The following ITM2B variants were observed in gnomAD, a reference collection of about 807,000 sequenced individuals.
The protein encoded by ITM2B is integral membrane protein 2B, also known as ABri/ADan amyloid peptide.
ITM2B carries 11 observed loss-of-function variants against 27.8 expected under a neutral mutation model. The ratio of observed to expected loss-of-function variants is 0.40; its 90% CI spans 0.25 to 0.66. ITM2B has a LOEUF of 0.66. Among genes scored for constraint, ITM2B ranks in the 30% least tolerant of loss-of-function variants. ITM2B has a pLI of 0.43. For synonymous variants in ITM2B, 114 were observed against 114.3 expected (o/e 1.00, Z 0.02); for missense variants, 296 against 328.9 (o/e 0.90, Z 0.77).
chr13:48,259,038 C>A lies in ITM2B; in HGVS notation c.715+91C>A, dbSNP rs1232196144. ...AAGCCTAGTCATTGTTACCAATATA[C>A]CTGCCATGAGTGAGGTAATATTGTG... On this transcript the variant is annotated intron_variant, in intron 5 of 5. Coordinates refer to ENST00000647800, the MANE Select transcript of ITM2B (RefSeq NM_021999.5). 8.0e-6 allele frequency: 7 copies of A among 871,582 alleles called. No individual in the cohort carries two copies. In the African/African-American group the frequency reaches 8.5e-5, roughly 11 times the overall value. The allele number at this position is 871,582 out of a possible 1,614,324, so 54.0% of individuals were successfully genotyped here. A position where few individuals can be genotyped will look rare whatever the true frequency, so the allele number is the denominator to read the frequency against.
chr13:48,256,348 A>T lies in ITM2B; in HGVS notation c.418A>T (p.Ser140Cys). ...TGTGCCTGTCCCAGAGTTTGCAGAT[A>T]GTGATCCTGCCAACATTGTTCATGA... ...ISVPVPEFAD[S>C]DPANIVHDFN... is the part of the protein sequence containing the mutation. Residue 140 changes from serine (S) to cysteine (C), a missense_variant, in exon 3 of 6, where the codon AGT becomes TGT. Physicochemically the swap from Ser to Cys is moderately radical, Grantham distance 112 (BLOSUM62 -1). Coordinates refer to ENST00000647800, the MANE Select transcript of ITM2B (RefSeq NM_021999.5). 1.2e-6 allele frequency: 2 copies of T among 1,614,002 alleles called. No homozygotes were observed. Among genetic ancestry groups the T allele is most frequent in the East Asian group, 4.5e-5 (2 of 44,872 alleles).
chr13:48,250,851 A>G (rs1467270564), intron 1 of ITM2B, among the ~76,000 whole-genome samples: 2 of 152,212 alleles, frequency 1.3e-5, no homozygotes, highest in African/African-American at 4.8e-5. Context: ...TTTGAAGATT[A>G]AACAGCTCTT....
intron 4 of ITM2B, 115 bp from the exon 5 acceptor site, chr13:48,258,682 T>G (rs1951804106): frequency 1.1e-6 from 1 of 892,488 alleles, no homozygotes; most frequent in Admixed American, 1.8e-5. Flanking sequence ...AGATGGTGGG[T>G]AGTAGTTTGG....
intron 1 of ITM2B, among the ~76,000 whole-genome samples, chr13:48,245,886 C>T (rs1288900143): frequency 6.6e-6 from 1 of 151,678 alleles, no homozygotes; most frequent in African/African-American, 2.4e-5. Context: ...TCACGCCATT[C>T]TCCTGCCTCA....
Position 48,263,554 on chromosome 13 carries a change from C to A in ITM2B, c.*2330C>A, listed in dbSNP as rs1019122485. 1 of 152,192 alleles carries A rather than the reference C, an allele frequency of 6.6e-6. No homozygotes were observed. The highest frequency in any genetic ancestry group is 2.4e-5 in the African/African-American group (1 of 41,440). The allele number at this position is 152,192 out of a possible 1,614,324, so 9.4% of individuals were successfully genotyped here. ...CCCAGTGGGTTCCAGGGAGACTCAG[C>A]TATCCTTCCCTCTTCTTGAGTTCTG... On this transcript the variant is annotated 3_prime_UTR_variant, in exon 6 of 6. Coordinates refer to ENST00000647800, the MANE Select transcript of ITM2B (RefSeq NM_021999.5).
rs922123115 is a variant in ITM2B, at chr13:48,265,114, G to A, written c.*3890G>A. 1.2e-4 allele frequency: 18 copies of A among 152,056 alleles called. No individual in the cohort carries two copies. Among genetic ancestry groups the A allele is most frequent in the African/African-American group, 4.3e-4 (18 of 41,408 alleles). The allele number at this position is 152,056 out of a possible 1,614,324, so 9.4% of individuals were successfully genotyped here. A position where few individuals can be genotyped will look rare whatever the true frequency, so the allele number is the denominator to read the frequency against. ...CTTAAAATAATTTGATGGGACTTCT[G>A]TATCTGATTTTTAAGCTTGCATTTG... On this transcript the variant is annotated 3_prime_UTR_variant, in exon 6 of 6. Coordinates refer to ENST00000647800, the MANE Select transcript of ITM2B (RefSeq NM_021999.5).
intron 1 of ITM2B, among the ~76,000 whole-genome samples, chr13:48,250,052 A>G (rs1228361915): frequency 1.3e-5 from 2 of 152,232 alleles, no homozygotes; most frequent in East Asian, 1.9e-4. Flanking sequence ...TCATTTATCT[A>G]TCATACGTGA....
chr13:48,234,087 C>T (rs1306320520), intron 1 of ITM2B, among the ~76,000 whole-genome samples: 1 of 152,084 alleles, frequency 6.6e-6, no homozygotes, highest in Admixed American at 6.5e-5. Flanking sequence ...TTTGGGCTGT[C>T]TCTTACCATT....
intron 1 of ITM2B, among the ~76,000 whole-genome samples, chr13:48,251,752 T>C (rs913815118): frequency 1.3e-5 from 2 of 152,156 alleles, no homozygotes; most frequent in African/African-American, 4.8e-5. Flanking sequence ...AATAACTATT[T>C]CCATCTGTCA....
At position 48,268,783 on chromosome 13, in the gene ITM2B, C is replaced by T. The variant is rs997118364; in HGVS notation, c.*7559C>T. 19 of 152,240 alleles carry T rather than the reference C, an allele frequency of 1.2e-4. No individual in the cohort carries two copies. Among genetic ancestry groups the T allele is most frequent in the African/African-American group, 4.3e-4 (18 of 41,528 alleles). 9.4% of individuals were successfully genotyped at this position (152,240 alleles called of 1,614,324 possible). A position where few individuals can be genotyped will look rare whatever the true frequency, so the allele number is the denominator to read the frequency against. On this transcript the variant is annotated 3_prime_UTR_variant, in exon 6 of 6. Coordinates refer to ENST00000647800, the MANE Select transcript of ITM2B (RefSeq NM_021999.5). ...TTTAATGATTTCATTGCAAAATCAT[C>T]TTTATTGTAAACATATCTTTTTGAG...
At chr13:48,250,496 T>C (rs1327077463) in intron 1 of ITM2B, among the ~76,000 whole-genome samples, 1 of 151,976 alleles carries the variant, frequency 6.6e-6, no homozygotes, top group Non-Finnish European at 1.5e-5. Context: ...CGGGCGCCTG[T>C]AGTCTCAGCT....
At position 48,246,102 on chromosome 13, in the gene ITM2B, C is replaced by G. The variant is rs183065876; in HGVS notation, c.118-7706C>G. Among the ~76,000 whole-genome samples, 3 of 152,242 alleles carry G rather than the reference C, an allele frequency of 2.0e-5. No homozygotes were observed. In the East Asian group the frequency reaches 5.8e-4, roughly 29 times the overall value. ...CTAAGTTCTCCTTTTTAAAGCCTTC[C>G]CCTGTTCGAATTCCAGTACAGAATA... On this transcript the variant is annotated intron_variant, in intron 1 of 5. Transcript: ENST00000647800.
rs1413910934 is a variant in ITM2B at position 48,266,189 on chromosome 13, A to G, written c.*4965A>G. The G allele has an allele frequency of 6.6e-6, 1 of 152,112 alleles. No individual in the cohort carries two copies. The highest frequency in any genetic ancestry group is 1.9e-4 in the East Asian group (1 of 5,150). 9.4% of individuals were successfully genotyped at this position (152,112 alleles called of 1,614,324 possible). A position where few individuals can be genotyped will look rare whatever the true frequency, so the allele number is the denominator to read the frequency against. On this transcript the variant is annotated 3_prime_UTR_variant, in exon 6 of 6. Transcript: ENST00000647800. ...GGTGTCCTGCTGCACTTAAGAGAAA[A>G]TCCTTTTTTCAAGCCCTAAAATCCT...
chr13:48,236,902 G>A (rs1399507526), intron 1 of ITM2B, among the ~76,000 whole-genome samples: 1 of 152,186 alleles, frequency 6.6e-6, no homozygotes, highest in East Asian at 1.9e-4. Context: ...TCTTTAAAAG[G>A]AGAGAGAAAA....
intron 2 of ITM2B, among the ~76,000 whole-genome samples, chr13:48,254,648 T>G (rs1262341785): frequency 7.2e-5 from 11 of 152,202 alleles, no homozygotes; most frequent in Non-Finnish European, 5.9e-5. Context: ...GTTTCAAAAT[T>G]TGGAGAAACA....
chr13:48,264,272 G>A lies in ITM2B; in HGVS notation c.*3048G>A, dbSNP rs999965323. On this transcript the variant is annotated 3_prime_UTR_variant, in exon 6 of 6. Coordinates refer to ENST00000647800, the MANE Select transcript of ITM2B (RefSeq NM_021999.5). ...GCAAACACTGATCTTGTTTTGTAATGTGTAATTGTTCACTTCTGCTTTCCC... is the reference window on the plus strand; with the variant it reads ...GCAAACACTGATCTTGTTTTGTAATATGTAATTGTTCACTTCTGCTTTCCC... The A allele has an allele frequency of 6.6e-6, 1 of 152,038 alleles. No individual in the cohort carries two copies. Among genetic ancestry groups the A allele is most frequent in the African/African-American group, 2.4e-5 (1 of 41,406 alleles). The allele number at this position is 152,038 out of a possible 1,614,324, so 9.4% of individuals were successfully genotyped here. A position where few individuals can be genotyped will look rare whatever the true frequency, so the allele number is the denominator to read the frequency against.
At chr13:48,238,082 T>C (rs1951678838) in intron 1 of ITM2B, among the ~76,000 whole-genome samples, 1 of 152,208 alleles carries the variant, frequency 6.6e-6, no homozygotes, top group African/African-American at 2.4e-5. Flanking sequence ...GCCTAAATGA[T>C]ATACAAAATA....
intron 1 of ITM2B, among the ~76,000 whole-genome samples, chr13:48,245,540 T>C (rs942801034): frequency 6.6e-5 from 10 of 151,960 alleles, no homozygotes; most frequent in African/African-American, 2.4e-4. Flanking sequence ...ATAATCTGCC[T>C]GTTGTTTTTT....
intron 1 of ITM2B, among the ~76,000 whole-genome samples, chr13:48,246,923 G>A (rs1257324535): frequency 2.0e-5 from 3 of 152,176 alleles, no homozygotes; most frequent in Admixed American, 6.5e-5. Flanking sequence ...CCGCCTCCTG[G>A]GTTCAAGCGA....
Sources: gnomAD v4.1 joint callset for allele counts (sites outside exome capture counted in the v4.1 genomes callset) on GRCh38, gnomAD v4.1.1 for gene constraint, MANE v1.5 for transcripts, NCBI Gene and HGNC (gene_info 2026-07-23, HGNC 2026-07-21) for gene names.